EIPR1: variants seen among roughly 807,000 people sequenced by gnomAD.
The protein encoded by EIPR1 is EARP complex and GARP complex interacting protein 1.
In EIPR1, 25 loss-of-function variants were observed where a neutral mutation model predicts 48.1. That is an observed-to-expected ratio of 0.52 (90% confidence interval 0.38 to 0.73). EIPR1 has a LOEUF of 0.73. Ranked by LOEUF, EIPR1 falls within the 30% of genes least tolerant of loss-of-function variation. The probability of loss-of-function intolerance (pLI) is 0.00; values close to 1 mark genes in which losing one functional copy is unlikely to be tolerated. For synonymous variants in EIPR1, 204 were observed against 201.9 expected, an observed-to-expected ratio of 1.01 and a Z score of -0.09; for missense variants, 415 against 506.2, an observed-to-expected ratio of 0.82 and a Z score of 1.73.
chr2:3,192,166 A>C (rs1664627506), intron 8 of EIPR1, among the ~76,000 whole-genome samples: 1 of 152,258 alleles, frequency 6.6e-6, no homozygotes, highest in Non-Finnish European at 1.5e-5. Flanking sequence ...GCATTCAATA[A>C]GAATACAAAC....
chr2:3,222,863 G>C (rs1665941681), intron 4 of EIPR1, among the ~76,000 whole-genome samples: 2 of 152,200 alleles, frequency 1.3e-5, no homozygotes, highest in African/African-American at 4.8e-5. Context: ...GAAGCTTCGT[G>C]GCTTTCTGGA....
At chr2:3,368,349 T>G (rs1292821682) in intron 1 of EIPR1, among the ~76,000 whole-genome samples, 2 of 152,172 alleles carry the variant, frequency 1.3e-5, no homozygotes, top group African/African-American at 4.8e-5. Context: ...CAAGCCCAAG[T>G]CATCATTGTC....
Position 3,257,343 on chromosome 2 carries a change from C to T in EIPR1, c.372G>A (p.Glu124=). The T allele has an allele frequency of 6.2e-7, 1 of 1,614,142 alleles. No homozygotes were observed. The highest frequency in any genetic ancestry group is 8.5e-7 in the Non-Finnish European group (1 of 1,180,018). The change falls in exon 4 of 9, where the codon GAG becomes GAA. Residue 124 remains glutamate (E), a synonymous_variant. Coordinates refer to ENST00000382125, the MANE Select transcript of EIPR1 (RefSeq NM_003310.5). ...CTGTGTTGTCAAGGTGACAGAGCAG[C>T]TCCAGGGTCTGTGCAGTGCTGGATG... is the stretch of plus-strand genomic sequence containing the variant. ...DDSSSTAQTL[E]LLCHLDNTAH... is the part of the protein sequence containing the mutation.
chr2:3,272,612 G>C (rs1667731262), intron 3 of EIPR1, among the ~76,000 whole-genome samples: 1 of 152,090 alleles, frequency 6.6e-6, no homozygotes, highest in Non-Finnish European at 1.5e-5. Context: ...ATCTTACATG[G>C]GCATGGTTCG....
intron 3 of EIPR1, among the ~76,000 whole-genome samples, chr2:3,311,484 T>C (rs947737618): frequency 4.6e-5 from 7 of 152,200 alleles, no homozygotes; most frequent in African/African-American, 1.4e-4. Context: ...TTAGAACATA[T>C]AGAAGGCAGT....
At chr2:3,354,662 A>G (rs1473266716) in intron 1 of EIPR1, 29 bp from the exon 2 acceptor site, 2 of 1,603,034 alleles carry the variant, frequency 1.2e-6, no homozygotes, top group Non-Finnish European at 1.7e-6. Context: ...ACACATGCAC[A>G]TTTATGAAGT....
chr2:3,194,942 G>A lies in EIPR1; in HGVS notation c.654-776C>T, dbSNP rs150745393. Among the ~76,000 whole-genome samples, 831 of 152,308 alleles carry A rather than the reference G, an allele frequency of 5.5e-3. 2 individuals carry two copies. The highest frequency in any genetic ancestry group is 0.02 in the Middle Eastern group (6 of 294). ...GGGGACTGTTTGAAATGAGTCACAC[G>A]GCTGTTCACAGTGCGTGCGTTCTCA... On this transcript the variant is annotated intron_variant, in intron 6 of 8. Coordinates refer to ENST00000382125, the MANE Select transcript of EIPR1 (RefSeq NM_003310.5).
At chr2:3,318,627 A>ACAGGTG (rs567018615) in intron 3 of EIPR1, among the ~76,000 whole-genome samples, 5 of 152,184 alleles carry the variant, frequency 3.3e-5, no homozygotes, top group African/African-American at 4.8e-5. Flanking sequence ...AACAAAAAAC[A>ACAGGTG]CAGGTGCTCC....
chr2:3,194,212 G>C, intron 6 of EIPR1, 46 bp from the exon 7 acceptor site: 1 of 1,604,592 alleles, frequency 6.2e-7, no homozygotes, highest in Non-Finnish European at 8.5e-7. Flanking sequence ...AAATGGATTA[G>C]GAAAAGCCAC....
intron 2 of EIPR1, among the ~76,000 whole-genome samples, chr2:3,341,324 G>A (rs924917140): frequency 9.2e-5 from 14 of 152,172 alleles, no homozygotes; most frequent in African/African-American, 2.9e-4. Flanking sequence ...CAGGCCTGGA[G>A]TTGGCTCAGA....
intron 5 of EIPR1, 87 bp downstream of exon 5, chr2:3,214,062 A>T: frequency 7.9e-7 from 1 of 1,262,072 alleles, no homozygotes; most frequent in Non-Finnish European, 1.1e-6. Context: ...AAGTGATCTC[A>T]TTGTTCAATT....
At chr2:3,311,095 C>G (rs968532805) in intron 3 of EIPR1, among the ~76,000 whole-genome samples, 4 of 152,120 alleles carry the variant, frequency 2.6e-5, no homozygotes, top group Non-Finnish European at 4.4e-5. Context: ...ATTGCAATAG[C>G]TTGAAGAGTG....
intron 3 of EIPR1, among the ~76,000 whole-genome samples, chr2:3,332,743 T>C (rs2103343523): frequency 6.6e-6 from 1 of 152,222 alleles, no homozygotes; most frequent in East Asian, 1.9e-4. Flanking sequence ...ATCTTCATCA[T>C]CTATATAGAA....
At chr2:3,255,586 TAC>T (rs749381334) in intron 4 of EIPR1, among the ~76,000 whole-genome samples, 3 of 152,242 alleles carry the variant, frequency 2.0e-5, no homozygotes, top group Admixed American at 6.5e-5. Flanking sequence ...TGTCTTTGCA[TAC>T]AGTGTCTGCA....
At chr2:3,330,484 G>A (rs1669853047) in intron 3 of EIPR1, among the ~76,000 whole-genome samples, 1 of 152,196 alleles carries the variant, frequency 6.6e-6, no homozygotes, top group Non-Finnish European at 1.5e-5. Context: ...TGTGAGCAGA[G>A]GCAGGCACAC....
chr2:3,226,719 C>T (rs545878638), intron 4 of EIPR1, among the ~76,000 whole-genome samples: 27 of 152,292 alleles, frequency 1.8e-4, no homozygotes, highest in South Asian at 8.3e-4. Context: ...TTGGTGTTCT[C>T]ACCCAAATCT....
chr2:3,262,180 C>T (rs1050258940), intron 3 of EIPR1: 6 of 152,436 alleles, frequency 3.9e-5, no homozygotes, highest in Non-Finnish European at 8.8e-5. Flanking sequence ...TCCGCATTCA[C>T]AAGCAAAGGA....
rs556237384 is a variant in EIPR1 at position 3,191,679 on chromosome 2, C to G, written c.989+735G>C. ...GCAACTGAATTGCATCTAGTCACCC[C>G]CCAGGAAGCGGCTGCCACTTCTAAA... On this transcript the variant is annotated intron_variant, in intron 8 of 8. Coordinates refer to ENST00000382125, the MANE Select transcript of EIPR1 (RefSeq NM_003310.5). 6.7e-4 allele frequency among the ~76,000 whole-genome samples: 102 copies of G among 152,316 alleles called. 1 individual carries two copies. Among genetic ancestry groups the G allele is most frequent in the Admixed American group, 2.8e-3 (43 of 15,296 alleles).
chr2:3,332,088 T>A (rs1669916256), intron 3 of EIPR1, among the ~76,000 whole-genome samples: 1 of 152,028 alleles, frequency 6.6e-6, no homozygotes, highest in East Asian at 1.9e-4. Context: ...CAGGTGTGTA[T>A]ACACTCATGA....
Sources: gnomAD v4.1 joint callset for allele counts (sites outside exome capture counted in the v4.1 genomes callset) on GRCh38, gnomAD v4.1.1 for gene constraint, MANE v1.5 for transcripts, NCBI Gene and HGNC (gene_info 2026-07-23, HGNC 2026-07-21) for gene names.